Variants in SCHIP1 observed in about 807,000 individuals in gnomAD.
The protein encoded by SCHIP1 is schwannomin-interacting protein 1.
SCHIP1 carries 8 observed loss-of-function variants against 29.7 expected under a neutral mutation model. The ratio of observed to expected loss-of-function variants is 0.27; its 90% CI spans 0.16 to 0.49. The LOEUF is 0.49. SCHIP1 is among the 20% of genes least tolerant of loss of function. The probability of loss-of-function intolerance (pLI) is 0.99; values close to 1 mark genes in which losing one functional copy is unlikely to be tolerated. For synonymous variants in SCHIP1, 76 were observed against 94.9 expected, an observed-to-expected ratio of 0.80 and a Z score of 1.16; for missense variants, 193 against 294.6, an observed-to-expected ratio of 0.66 and a Z score of 2.52.
At chr3:159,420,411 T>A in the SCHIP1 span, among the ~76,000 whole-genome samples, 1 of 152,194 alleles carries the variant, frequency 6.6e-6, no homozygotes, top group Non-Finnish European at 1.5e-5. Context: ...CTCTTTAGAT[T>A]GACGCATCAG....
At chr3:159,822,992 GAC>G in the SCHIP1 span, among the ~76,000 whole-genome samples, 1 of 152,068 alleles carries the variant, frequency 6.6e-6, no homozygotes, top group African/African-American at 2.4e-5. Context: ...GTTAGAGCAA[GAC>G]AGTGAAAGGA....
At chr3:159,863,828 T>C (rs1436575127) in intron 1 of SCHIP1, among the ~76,000 whole-genome samples, 1 of 152,124 alleles carries the variant, frequency 6.6e-6, no homozygotes, top group Non-Finnish European at 1.5e-5. Context: ...TTAATGTAAA[T>C]GGAAATATTT....
At chr3:159,514,608 C>A in the SCHIP1 span, among the ~76,000 whole-genome samples, 3 of 152,154 alleles carry the variant, frequency 2.0e-5, no homozygotes, top group Non-Finnish European at 2.9e-5. Context: ...TCTTTAGTCA[C>A]CAACCTTCTA....
chr3:159,810,176 G>T, the SCHIP1 span, among the ~76,000 whole-genome samples: 3 of 152,282 alleles, frequency 2.0e-5, no homozygotes, highest in African/African-American at 7.2e-5. Context: ...CTCCCGAGTA[G>T]CTGGGATTAC....
chr3:159,615,928 C>G, the SCHIP1 span, among the ~76,000 whole-genome samples: 6 of 152,144 alleles, frequency 3.9e-5, no homozygotes, highest in Admixed American at 3.9e-4. Flanking sequence ...TCAGCAGTGC[C>G]TAATTTTACT....
chr3:159,488,804 T>C, the SCHIP1 span, among the ~76,000 whole-genome samples: 1 of 152,228 alleles, frequency 6.6e-6, no homozygotes, highest in Non-Finnish European at 1.5e-5. Flanking sequence ...TAAATATTCG[T>C]CACCAGGTCC....
the SCHIP1 span, among the ~76,000 whole-genome samples, chr3:159,321,036 CT>C: frequency 6.6e-6 from 1 of 152,188 alleles, no homozygotes; most frequent in Non-Finnish European, 1.5e-5. Context: ...ACGATCTCAG[CT>C]CACTGCAACC....
chr3:159,448,171 GT>G, the SCHIP1 span, among the ~76,000 whole-genome samples: 12 of 152,266 alleles, frequency 7.9e-5, no homozygotes, highest in East Asian at 1.5e-3. Context: ...GTGCGTAAGA[GT>G]TTGGCAAACT....
the SCHIP1 span, among the ~76,000 whole-genome samples, chr3:159,439,344 G>C: frequency 6.6e-6 from 1 of 152,110 alleles, no homozygotes; most frequent in South Asian, 2.1e-4. Context: ...AAGGCAAAGG[G>C]AAAGCAAGGC....
the SCHIP1 span, among the ~76,000 whole-genome samples, chr3:159,825,884 G>A: frequency 6.6e-6 from 1 of 152,166 alleles, no homozygotes; most frequent in African/African-American, 2.4e-5. Context: ...AAGGCAGAGG[G>A]CTTACAGGTT....
the SCHIP1 span, among the ~76,000 whole-genome samples, chr3:159,573,023 G>T: frequency 1.3e-5 from 2 of 151,478 alleles, 1 homozygote; most frequent in South Asian, 4.2e-4. Context: ...TGTGAGATGG[G>T]TCTCCTGCAC....
chr3:159,307,380 C>T, the SCHIP1 span, among the ~76,000 whole-genome samples: 1 of 152,144 alleles, frequency 6.6e-6, no homozygotes, highest in Non-Finnish European at 1.5e-5. Flanking sequence ...ATTGTGGGGA[C>T]TAAATGAGCA....
In SCHIP1 at chr3:159,888,002, C is replaced by T. The variant is rs930539144; in HGVS notation, c.465+97C>T. The T allele has an allele frequency of 5.4e-6, 8 of 1,491,976 alleles. No individual in the cohort carries two copies. In the East Asian group the frequency reaches 1.9e-4, roughly 36 times the overall value. The allele number at this position is 1,491,976 out of a possible 1,614,324, so 92.4% of individuals were successfully genotyped here. On this transcript the variant is annotated intron_variant, in intron 4 of 6. Coordinates refer to ENST00000445224, the Ensembl canonical transcript of SCHIP1. ...CCCAGAATTATGCAAACTTGTGTTT[C>T]TCTAAGGCGGTTTGTAAAAAGTCCT...
the SCHIP1 span, among the ~76,000 whole-genome samples, chr3:159,473,549 A>T: frequency 5.3e-5 from 8 of 152,006 alleles, no homozygotes; most frequent in Non-Finnish European, 1.2e-4. Context: ...TTAATTCTTA[A>T]AAGAAAATTT....
the SCHIP1 span, among the ~76,000 whole-genome samples, chr3:159,681,864 TG>T: frequency 1.3e-5 from 2 of 151,866 alleles, no homozygotes; most frequent in African/African-American, 4.8e-5. Flanking sequence ...TAGGTTAACT[TG>T]GGTTAACTCA....
the SCHIP1 span, among the ~76,000 whole-genome samples, chr3:159,759,155 T>A: frequency 3.3e-5 from 5 of 152,256 alleles, no homozygotes; most frequent in African/African-American, 1.2e-4. Flanking sequence ...GTTAATTTTT[T>A]AAAGGACATA....
intron 5 of SCHIP1, among the ~76,000 whole-genome samples, chr3:159,890,783 G>T (rs1440338389): frequency 7.3e-5 from 11 of 151,326 alleles, no homozygotes; most frequent in African/African-American, 2.4e-4. Flanking sequence ...TTTTTTTTGG[G>T]GGGCTCTCTT....
the SCHIP1 span, among the ~76,000 whole-genome samples, chr3:159,373,530 A>G: frequency 6.6e-6 from 1 of 152,084 alleles, no homozygotes; most frequent in Non-Finnish European, 1.5e-5. Context: ...CCAAGAAAAT[A>G]GAGACTTTGT....
the SCHIP1 span, among the ~76,000 whole-genome samples, chr3:159,674,437 G>T: frequency 6.6e-6 from 1 of 151,966 alleles, no homozygotes; most frequent in Non-Finnish European, 1.5e-5. Flanking sequence ...AACTTCCAGT[G>T]TCTGCTGCTA....
Sources: gnomAD v4.1 joint callset for allele counts (sites outside exome capture counted in the v4.1 genomes callset) on GRCh38, gnomAD v4.1.1 for gene constraint, MANE v1.5 for transcripts, NCBI Gene and HGNC (gene_info 2026-07-23, HGNC 2026-07-21) for gene names.